AKAP11: variants seen among roughly 807,000 people sequenced by gnomAD.
The protein encoded by AKAP11 is A-kinase anchor protein 11.
In AKAP11, 36 loss-of-function variants were observed where a neutral mutation model predicts 146.1. The observed-to-expected ratio is 0.25, with a 90% CI of 0.19 to 0.33. The LOEUF (loss-of-function observed/expected upper bound fraction) is 0.33. AKAP11 is among the 10% of genes least tolerant of loss of function. AKAP11 has a pLI of 1.00. For synonymous variants in AKAP11, 780 were observed against 786.5 expected (o/e 0.99, Z 0.14); for missense variants, 2,201 against 2,197.0 (o/e 1.00, Z -0.04).
At chr13:42,291,909 T>A (rs1317610153) in intron 3 of AKAP11, among the ~76,000 whole-genome samples, 2 of 152,196 alleles carry the variant, frequency 1.3e-5, no homozygotes, top group Admixed American at 6.5e-5. Context: ...TGGAAAACCT[T>A]ATTTTGGATT....
At chr13:42,311,404 G>A (rs1365538201) in intron 9 of AKAP11, among the ~76,000 whole-genome samples, 2 of 152,146 alleles carry the variant, frequency 1.3e-5, no homozygotes, top group Admixed American at 1.3e-4. Context: ...GCTTATTTCT[G>A]CTGTTCTGTT....
intron 1 of AKAP11, among the ~76,000 whole-genome samples, chr13:42,284,330 C>A (rs965549888): frequency 6.6e-6 from 1 of 152,162 alleles, no homozygotes; most frequent in Admixed American, 6.5e-5. Flanking sequence ...ACAAAACTGC[C>A]CTGCAGGTGC....
In AKAP11 at chr13:42,300,358, A is replaced by G. The variant is rs777117821; in HGVS notation, c.1612A>G (p.Lys538Glu). 6 of 1,605,088 alleles carry G rather than the reference A, an allele frequency of 3.7e-6. No individual in the cohort carries two copies. Among genetic ancestry groups the G allele is most frequent in the Non-Finnish European group, 5.1e-6 (6 of 1,177,466 alleles). ...FKHGNLDQKN[K>E]SKNKSLMIKD... Reference sequence around the variant, plus strand: ...GCATGGAAACCTTGATCAAAAAAATAAATCTAAAAATAAATCCTTAATGAT... The same window carrying G: ...GCATGGAAACCTTGATCAAAAAAATGAATCTAAAAATAAATCCTTAATGAT... Residue 538 changes from lysine (K) to glutamate (E), a missense_variant, in exon 8 of 13, where the codon AAA (lysine) becomes GAA (glutamate). Physicochemically the swap from Lys to Glu is moderately conservative, Grantham distance 56 (BLOSUM62 1). Transcript: ENST00000025301.
Position 42,301,900 on chromosome 13 carries a change from A to G in AKAP11, c.3154A>G (p.Ser1052Gly), listed in dbSNP as rs1244949055. The G allele has an allele frequency of 6.2e-7, 1 of 1,614,162 alleles. No individual in the cohort carries two copies. Among genetic ancestry groups the G allele is most frequent in the Non-Finnish European group, 8.5e-7 (1 of 1,180,006 alleles). Residue 1052 changes from serine (S) to glycine (G), a missense_variant, in exon 8 of 13, where the codon AGT becomes GGT. This residue lies in a region of AKAP11 where 1,867 missense variants were observed against 1,833.5 expected (regional missense o/e 1.02). Transcript: ENST00000025301. ...DQPLKKHNLN[S>G]TSLEALSFGQ... Reference sequence around the variant, plus strand: ...ACCACTGAAAAAGCATAACTTGAATAGTACATCACTTGAGGCCTTGTCTTT... The same window carrying G: ...ACCACTGAAAAAGCATAACTTGAATGGTACATCACTTGAGGCCTTGTCTTT...
In AKAP11 at chr13:42,298,809, A is replaced by C; in HGVS notation, c.616+12A>C. 1 of 1,538,574 alleles carries C rather than the reference A, an allele frequency of 6.5e-7. No homozygotes were observed. The highest frequency in any genetic ancestry group is 8.7e-7 in the Non-Finnish European group (1 of 1,155,992). On this transcript the variant is annotated intron_variant, in intron 7 of 12. Coordinates refer to ENST00000025301, the MANE Select transcript of AKAP11 (RefSeq NM_016248.4). ...GCCATACAATGATGGTTTGTTTTTC[A>C]TTAGACTTTTTCCTAAAATAGGGAA...
chr13:42,301,996 C>T lies in AKAP11; in HGVS notation c.3250C>T (p.His1084Tyr). The stretch of plus-strand genomic sequence containing the variant: ...AGCACTTACCTGTGTAGATGGTTTG[C>T]ATGTGGAAGATAAACAGAAAGTCAG... Reference protein sequence around the residue: ...STALTCVDGLHVEDKQKVRDR... With the variant: ...STALTCVDGLYVEDKQKVRDR... Residue 1084 changes from histidine (H) to tyrosine (Y), a missense_variant, in exon 8 of 13, where the codon CAT (histidine) becomes TAT (tyrosine). Physicochemically the swap from His to Tyr is moderately conservative, Grantham distance 83. Around this residue, in one of 3 missense-constraint regions of AKAP11, gnomAD observed 1,867 missense variants for 1,833.5 expected, o/e 1.02. Coordinates refer to ENST00000025301, the MANE Select transcript of AKAP11 (RefSeq NM_016248.4). 1.2e-6 allele frequency: 2 copies of T among 1,613,626 alleles called. No individual in the cohort carries two copies. Among genetic ancestry groups the T allele is most frequent in the Non-Finnish European group, 8.5e-7 (1 of 1,179,850 alleles).
chr13:42,282,533 G>GATATGTGTATTTATTTAAAGTGCCCT (rs1373398466), intron 1 of AKAP11, among the ~76,000 whole-genome samples: 1 of 152,006 alleles, frequency 6.6e-6, no homozygotes, highest in East Asian at 1.9e-4. Context: ...AGGACTAAAG[G>GATATGTGTATTTATTTAAAGTGCCCT]ATATGTGTAT....
In AKAP11 at chr13:42,289,918, T is replaced by G. The variant is rs534519390; in HGVS notation, c.52-2467T>G. On this transcript the variant is annotated intron_variant, in intron 3 of 12. Coordinates refer to ENST00000025301, the MANE Select transcript of AKAP11 (RefSeq NM_016248.4). ...AACCTAGTACAATGAGCACCTCATA[T>G]AGTCTTCACTCAGATTCACCCTCGG... Among the ~76,000 whole-genome samples, 13 of 152,320 alleles carry G rather than the reference T, an allele frequency of 8.5e-5. No individual in the cohort carries two copies. The East Asian group carries it at 2.5e-3, about 29-fold the overall frequency.
Position 42,299,367 on chromosome 13 carries a change from G to T in AKAP11, c.621G>T (p.Met207Ile). ...CATTTCATTCTTTTCCTATAGGAAT[G>T]AACATTACTGTGCTAAGGAGCCAGT... ...EETSKPYNDG[M>I]NITVLRSQCD... is the part of the protein sequence containing the mutation. The change falls in exon 8 of 13, where the codon ATG becomes ATT. Residue 207 changes from methionine to isoleucine, a missense_variant. By Grantham distance (10) the Met-to-Ile change is conservative. Transcript: ENST00000025301. The T allele has an allele frequency of 6.2e-7, 1 of 1,604,040 alleles. No homozygotes were observed. Among genetic ancestry groups the T allele is most frequent in the Non-Finnish European group, 8.5e-7 (1 of 1,176,332 alleles).
rs752909734 is a variant in AKAP11, at chr13:42,300,076, A to G, written c.1330A>G (p.Ser444Gly). 6 of 1,613,952 alleles carry G rather than the reference A, an allele frequency of 3.7e-6. No homozygotes were observed. The East Asian group carries it at 1.3e-4, about 36-fold the overall frequency. ...CCCAGTGAAGGCATCAAGGGAAGAT[A>G]GTGGTTTATTTAGTCCTATTCGATC... ...PRPVKASRED[S>G]GLFSPIRSSA... Residue 444 changes from serine to glycine, a missense_variant, in exon 8 of 13, where the codon AGT becomes GGT. Ser to Gly is a moderately conservative substitution (Grantham distance 56). Coordinates refer to ENST00000025301, the MANE Select transcript of AKAP11 (RefSeq NM_016248.4).
chr13:42,297,263 G>A (rs988588260), intron 6 of AKAP11, 81 bp downstream of exon 6: 5 of 1,086,710 alleles, frequency 4.6e-6, no homozygotes, highest in Non-Finnish European at 6.3e-6. Flanking sequence ...ACTTTTAAAT[G>A]CTTGGATGAC....
intron 1 of AKAP11, among the ~76,000 whole-genome samples, chr13:42,284,049 C>G (rs1338697228): frequency 6.6e-6 from 1 of 152,160 alleles, no homozygotes; most frequent in African/African-American, 2.4e-5. Flanking sequence ...ACTTGAATCC[C>G]ACCTGTGCCA....
intron 10 of AKAP11, 84 bp downstream of exon 10, chr13:42,313,214 C>T: frequency 9.7e-7 from 1 of 1,027,348 alleles, no homozygotes. Context: ...ATGTGGGTTA[C>T]AGTGCCAGTA....
chr13:42,278,975 ATTGTCTTG>A (rs1235861657), intron 1 of AKAP11, among the ~76,000 whole-genome samples: 1 of 147,406 alleles, frequency 6.8e-6, no homozygotes, highest in Non-Finnish European at 1.5e-5. Context: ...ATAGTGCTCC[ATTGTCTTG>A]TTTTCCGGTT....
chr13:42,297,547 A>C (rs768947868), intron 6 of AKAP11, among the ~76,000 whole-genome samples: 1 of 151,928 alleles, frequency 6.6e-6, no homozygotes, highest in Non-Finnish European at 1.5e-5. Context: ...ATGTTACGCT[A>C]TATGTTTTAG....
chr13:42,294,575 T>C (rs2138538003), intron 4 of AKAP11, among the ~76,000 whole-genome samples: 1 of 152,170 alleles, frequency 6.6e-6, no homozygotes, highest in Non-Finnish European at 1.5e-5. Context: ...GCTAATTTTT[T>C]GTATTTTTAG....
In AKAP11 at chr13:42,302,583, T is replaced by A; in HGVS notation, c.3837T>A (p.Asn1279Lys). 6.2e-7 allele frequency: 1 copy of A among 1,614,070 alleles called. No individual in the cohort carries two copies. Among genetic ancestry groups the A allele is most frequent in the South Asian group, 1.1e-5 (1 of 91,066 alleles). The change falls in exon 8 of 13, where the codon AAT (asparagine) becomes AAA (lysine). Residue 1279 changes from asparagine to lysine, a missense_variant. Around this residue, in one of 3 missense-constraint regions of AKAP11, gnomAD observed 1,867 missense variants for 1,833.5 expected, o/e 1.02. Coordinates refer to ENST00000025301, the MANE Select transcript of AKAP11 (RefSeq NM_016248.4). ...CTGAGAAAATAGCAAAAGTCCGAAA[T>A]TGTATGCTTTTCAAGCAAAAGAAGA... ...TEAEKIAKVR[N>K]CMLFKQKKNS...
rs182302463 is a variant in AKAP11 at position 42,314,148 on chromosome 13, G to A, written c.5404+208G>A. On this transcript the variant is annotated intron_variant, in intron 11 of 12. Coordinates refer to ENST00000025301, the MANE Select transcript of AKAP11 (RefSeq NM_016248.4). ...TGCTACACTAATGAAATTGTCATTG[G>A]TATAAAGAAATACTGGGCAGGCACG... 1.0e-3 allele frequency among the ~76,000 whole-genome samples: 154 copies of A among 152,178 alleles called. 1 individual carries two copies. Among genetic ancestry groups the A allele is most frequent in the Non-Finnish European group, 1.8e-3 (125 of 67,978 alleles).
intron 5 of AKAP11, among the ~76,000 whole-genome samples, chr13:42,296,651 T>TA: frequency 6.6e-6 from 1 of 151,906 alleles, no homozygotes; most frequent in African/African-American, 2.4e-5. Context: ...ACAGAGTTTT[T>TA]AAAAAAAAGT....
Sources: gnomAD v4.1 joint callset for allele counts (sites outside exome capture counted in the v4.1 genomes callset) on GRCh38, gnomAD v4.1.1 for gene constraint, gnomAD v4.1.1 regional missense constraint, MANE v1.5 for transcripts, NCBI Gene and HGNC (gene_info 2026-07-23, HGNC 2026-07-21) for gene names.